KCNG2: variants seen among roughly 807,000 people sequenced by gnomAD.
KCNG2 encodes the protein voltage-gated potassium channel regulatory subunit KCNG2.
A neutral mutation model predicts 12.3 loss-of-function variants in KCNG2; 7 were observed. That is an observed-to-expected ratio of 0.57 (90% CI 0.32 to 1.07). The LOEUF is 1.07. KCNG2 is among the 50% of genes least tolerant of loss of function. The probability of loss-of-function intolerance (pLI) is 0.04; values close to 1 mark genes in which losing one functional copy is unlikely to be tolerated. For synonymous variants in KCNG2, 414 were observed against 351.4 expected, an observed-to-expected ratio of 1.18 and a Z score of -1.99; for missense variants, 703 against 726.0, an observed-to-expected ratio of 0.97 and a Z score of 0.36.
intron 1 of KCNG2, among the ~76,000 whole-genome samples, chr18:79,798,591 C>A (rs1425132169): frequency 6.6e-6 from 1 of 152,238 alleles, no homozygotes; most frequent in East Asian, 1.9e-4. Flanking sequence ...CACGGCCGCA[C>A]CCCTACTCTG....
intron 3 of KCNG2, among the ~76,000 whole-genome samples, chr18:79,881,161 A>G (rs1054770778): frequency 1.3e-5 from 2 of 152,174 alleles, no homozygotes; most frequent in African/African-American, 4.8e-5. Flanking sequence ...ATAGAACTGC[A>G]TATGTAGAAA....
chr18:79,857,562 G>A (rs954414823), intron 2 of KCNG2, among the ~76,000 whole-genome samples: 11 of 151,158 alleles, frequency 7.3e-5, no homozygotes, highest in Non-Finnish European at 1.3e-4. Context: ...AACCCACCAC[G>A]CCCCCTCTTC....
intron 3 of KCNG2, among the ~76,000 whole-genome samples, chr18:79,870,195 C>A (rs745456567): frequency 6.6e-6 from 1 of 152,252 alleles, no homozygotes; most frequent in Non-Finnish European, 1.5e-5. Context: ...AAGCCCCCCA[C>A]GTCGAAGGCG....
chr18:79,867,372 G>C (rs1045585171), intron 3 of KCNG2, among the ~76,000 whole-genome samples: 2 of 151,396 alleles, frequency 1.3e-5, no homozygotes, highest in African/African-American at 2.4e-5. Flanking sequence ...AAGCTTGCCA[G>C]CATGTGTCAT....
chr18:79,896,459 G>T (rs1192875620), intron 3 of KCNG2, among the ~76,000 whole-genome samples: 1 of 152,080 alleles, frequency 6.6e-6, no homozygotes, highest in Non-Finnish European at 1.5e-5. Flanking sequence ...TGTTACAATT[G>T]TTGCTTTTGC....
intron 1 of KCNG2, among the ~76,000 whole-genome samples, chr18:79,854,032 T>C (rs1978919228): frequency 6.6e-6 from 1 of 152,204 alleles, no homozygotes; most frequent in African/African-American, 2.4e-5. Context: ...ATGTCCAGGG[T>C]AGCCCTGCCT....
chr18:79,848,946 T>C (rs1978719003), intron 1 of KCNG2, among the ~76,000 whole-genome samples: 1 of 152,152 alleles, frequency 6.6e-6, no homozygotes, highest in Non-Finnish European at 1.5e-5. Context: ...AATGACCGCC[T>C]GGCGCCTGTG....
chr18:79,846,108 C>T (rs1225853521), intron 1 of KCNG2, among the ~76,000 whole-genome samples: 2 of 148,884 alleles, frequency 1.3e-5, no homozygotes, highest in Admixed American at 6.8e-5. Context: ...CGCGGTGGCT[C>T]ACGCCTGTAA....
chr18:79,881,290 A>G (rs189856817), intron 3 of KCNG2, among the ~76,000 whole-genome samples: 234 of 152,344 alleles, frequency 1.5e-3, no homozygotes, highest in Middle Eastern at 3.4e-3. Context: ...TTGGAAAGCA[A>G]GAGAATAGGA....
intron 1 of KCNG2, among the ~76,000 whole-genome samples, chr18:79,802,729 C>CAT (rs2087420524): frequency 6.8e-6 from 1 of 146,864 alleles, no homozygotes; most frequent in Admixed American, 6.7e-5. Flanking sequence ...GAGTTCCTGG[C>CAT]TTTTTTTTTT....
intron 1 of KCNG2, among the ~76,000 whole-genome samples, chr18:79,798,773 A>G (rs1040081246): frequency 1.3e-5 from 2 of 152,090 alleles, no homozygotes; most frequent in African/African-American, 4.8e-5. Context: ...TGGGGACGAG[A>G]AGGGTCCCTC....
intron 1 of KCNG2, among the ~76,000 whole-genome samples, chr18:79,845,350 C>T (rs927080270): frequency 6.6e-6 from 1 of 152,126 alleles, no homozygotes; most frequent in Non-Finnish European, 1.5e-5. Context: ...TGGATGTGTC[C>T]ATGTCGGCGT....
chr18:79,812,883 C>A (rs1479392811), intron 1 of KCNG2, among the ~76,000 whole-genome samples: 1 of 151,792 alleles, frequency 6.6e-6, no homozygotes, highest in Admixed American at 6.6e-5. Flanking sequence ...ATAGGCCAGG[C>A]ACAGTGGCTC....
intron 1 of KCNG2, among the ~76,000 whole-genome samples, chr18:79,820,377 T>G (rs1479355228): frequency 6.6e-6 from 1 of 152,176 alleles, no homozygotes; most frequent in Admixed American, 6.5e-5. Flanking sequence ...TTAGAGAGTC[T>G]GCCAAACTTC....
intron 1 of KCNG2, among the ~76,000 whole-genome samples, chr18:79,831,991 C>T (rs1433031149): frequency 6.6e-6 from 1 of 152,218 alleles, no homozygotes; most frequent in African/African-American, 2.4e-5. Flanking sequence ...GAGCAAATGT[C>T]TAGAAAGGGC....
chr18:79,826,877 G>A (rs563412819), intron 1 of KCNG2, among the ~76,000 whole-genome samples: 7 of 152,366 alleles, frequency 4.6e-5, no homozygotes, highest in African/African-American at 1.7e-4. Context: ...GAAGGTGTGG[G>A]AGTGACTAAT....
At position 79,856,986 on chromosome 18, in the gene KCNG2, A is replaced by G. The variant is rs1979031559; in HGVS notation, c.-41+534A>G. Among the ~76,000 whole-genome samples the G allele has an allele frequency of 1.7e-5, 2 of 118,274 alleles. 1 individual carries two copies. Among genetic ancestry groups the G allele is most frequent in the South Asian group, 6.0e-4 (2 of 3,314 alleles). The allele number at this position is 118,274 out of a possible 152,430, so 77.6% of individuals were successfully genotyped here. ...TGAATAAAATCAGATGCCCTGCTCC[A>G]GCCCTTCTGCTGGGCCAGCCCTCCG... On this transcript the variant is annotated intron_variant, in intron 2 of 3. Coordinates refer to ENST00000316249, the MANE Select transcript of KCNG2 (RefSeq NM_012283.2).
At position 79,824,517 on chromosome 18, in the gene KCNG2, T is replaced by TTTTATTC. The variant is rs535879188; in HGVS notation, c.-115+26504_-115+26510dup. ...CTTCTGATTGATTTTTGCTGTCTAG[T>TTTTATTC]TTTATTCATTAATACCTCTCGTATA... On this transcript the variant is annotated intron_variant, in intron 1 of 3. Coordinates refer to ENST00000316249, the MANE Select transcript of KCNG2 (RefSeq NM_012283.2). Among the ~76,000 whole-genome samples the TTTTATTC allele has an allele frequency of 4.6e-5, 7 of 152,348 alleles. No homozygotes were observed. In the South Asian group the frequency reaches 1.4e-3, roughly 32 times the overall value.
chr18:79,807,396 C>T (rs2087457831), intron 1 of KCNG2, among the ~76,000 whole-genome samples: 2 of 152,198 alleles, frequency 1.3e-5, no homozygotes, highest in South Asian at 2.1e-4. Context: ...TCTGCTCTAC[C>T]GTAAACACCC....
Sources: gnomAD v4.1 joint callset for allele counts (sites outside exome capture counted in the v4.1 genomes callset) on GRCh38, gnomAD v4.1.1 for gene constraint, MANE v1.5 for transcripts, NCBI Gene and HGNC (gene_info 2026-07-23, HGNC 2026-07-21) for gene names.